Variants in PLA2G15 observed in about 807,000 individuals in gnomAD.
PLA2G15 encodes lysosomal phospholipase A and acyltransferase.
PLA2G15 carries 20 observed loss-of-function variants against 40.9 expected under a neutral mutation model. That is an observed-to-expected ratio of 0.49 (90% CI 0.34 to 0.71). PLA2G15 has a LOEUF of 0.71. PLA2G15 is among the 30% of genes least tolerant of loss of function. PLA2G15 has a pLI of 0.01. For synonymous variants in PLA2G15, 223 were observed against 228.2 expected (o/e 0.98, Z 0.21); for missense variants, 471 against 541.9 (o/e 0.87, Z 1.30).
intron 5 of PLA2G15, 65 bp downstream of exon 5, chr16:68,256,055 TA>T: frequency 9.4e-7 from 1 of 1,066,578 alleles, no homozygotes; most frequent in Non-Finnish European, 1.4e-6. Context: ...CTTCCCTTCC[TA>T]AGTGTCCTCC....
chr16:68,245,679 T>G (rs1270191650), intron 1 of PLA2G15, 126 bp downstream of exon 1: 3 of 1,127,110 alleles, frequency 2.7e-6, no homozygotes, highest in South Asian at 2.9e-5. Context: ...GTCTTGTCAC[T>G]TAGGTGATCT....
chr16:68,256,771 A>G (rs576866698), intron 5 of PLA2G15, among the ~76,000 whole-genome samples: 14 of 152,048 alleles, frequency 9.2e-5, no homozygotes, highest in African/African-American at 3.4e-4. Flanking sequence ...CGGCCTCCCA[A>G]AGTGCTGGGA....
In PLA2G15 at chr16:68,255,060, C is replaced by A; in HGVS notation, c.403+23C>A. On this transcript the variant is annotated intron_variant, in intron 3 of 5. Transcript: ENST00000219345. This position sits in a 1 kb window ranked among gnomAD's most constrained non-coding sequence, Gnocchi z 5.9. ...TGGGTATGTAGCCCTTACTCAAGGC[C>A]TCCGGGAGCTGGGATGGGGTTTCTG... 1 of 1,475,114 alleles carries A rather than the reference C, an allele frequency of 6.8e-7. No homozygotes were observed. The highest frequency in any genetic ancestry group is 9.5e-7 in the Non-Finnish European group (1 of 1,053,798). 91.4% of individuals were successfully genotyped at this position (1,475,114 alleles called of 1,614,324 possible). A position where few individuals can be genotyped will look rare whatever the true frequency, so the allele number is the denominator to read the frequency against.
chr16:68,253,400 G>C (rs947835930), intron 2 of PLA2G15: 2 of 436,250 alleles, frequency 4.6e-6, no homozygotes, highest in Non-Finnish European at 9.1e-6. Context: ...TTTTGAGACA[G>C]AGTTTCGCTC....
In PLA2G15 at chr16:68,254,938, TC is replaced by T; in HGVS notation, c.306del (p.Arg103GlyfsTer78). 6.2e-7 allele frequency: 1 copy of T among 1,613,466 alleles called. No individual in the cohort carries two copies. Among genetic ancestry groups the T allele is most frequent in the Non-Finnish European group, 8.5e-7 (1 of 1,179,480 alleles). ...DNIRLVYNKT[S>X]RATQFPDGVD... is the part of the protein sequence containing the mutation. Reference sequence around the variant, plus strand: ...CAACAGGCTGGTTTACAACAAAACATCCAGGGCCACCCAGTTTCCTGATGGT... The same window carrying T: ...CAACAGGCTGGTTTACAACAAAACATCAGGGCCACCCAGTTTCCTGATGGT... On this transcript the variant is annotated frameshift_variant, in exon 3 of 6. Transcript: ENST00000219345. LOFTEE classifies it high-confidence loss of function.
In PLA2G15 at chr16:68,255,695, C is replaced by A. The variant is rs774909524; in HGVS notation, c.503-71C>A. On this transcript the variant is annotated intron_variant, in intron 4 of 5. Coordinates refer to ENST00000219345, the MANE Select transcript of PLA2G15 (RefSeq NM_012320.4). This position sits in a 1 kb window ranked among gnomAD's most constrained non-coding sequence, Gnocchi z 5.9. ...CCTCCCCCTCTCGTCTTGTGTCTGGCCTGAGAAAAGCTCAGTGGTTCCGGC... is the reference window on the plus strand; with the variant it reads ...CCTCCCCCTCTCGTCTTGTGTCTGGACTGAGAAAAGCTCAGTGGTTCCGGC... 9 of 1,310,180 alleles carry A rather than the reference C, an allele frequency of 6.9e-6. No homozygotes were observed. The highest frequency in any genetic ancestry group is 1.7e-5 in the Admixed American group (1 of 58,844). The allele number at this position is 1,310,180 out of a possible 1,614,324, so 81.2% of individuals were successfully genotyped here.
intron 1 of PLA2G15, chr16:68,248,577 G>A: frequency 4.5e-6 from 1 of 220,834 alleles, no homozygotes; most frequent in Non-Finnish European, 9.4e-6. Flanking sequence ...AGTAGAGATG[G>A]GCTTTCACCA....
In PLA2G15 at chr16:68,259,988, C is replaced by T; in HGVS notation, c.*331C>T. On this transcript the variant is annotated 3_prime_UTR_variant, in exon 6 of 6. Coordinates refer to ENST00000219345, the MANE Select transcript of PLA2G15 (RefSeq NM_012320.4). This position sits in a 1 kb window ranked among gnomAD's most constrained non-coding sequence, Gnocchi z 6.5. ...CTGGGGCCATGTGTCCCCCCTATTC[C>T]TGTGGGCTTTTCATACTTGCCTACT... 2.8e-6 allele frequency: 1 copy of T among 358,132 alleles called. No homozygotes were observed. The highest frequency in any genetic ancestry group is 5.2e-6 in the Non-Finnish European group (1 of 193,160). 22.2% of individuals were successfully genotyped at this position (358,132 alleles called of 1,614,324 possible).
chr16:68,253,218 C>T (rs1488880995), intron 2 of PLA2G15, among the ~76,000 whole-genome samples: 2 of 152,084 alleles, frequency 1.3e-5, no homozygotes, highest in African/African-American at 4.8e-5. Flanking sequence ...GCAGAGGAAG[C>T]GGGACCCAAT....
intron 1 of PLA2G15, among the ~76,000 whole-genome samples, chr16:68,247,548 T>G (rs2042319310): frequency 6.6e-6 from 1 of 152,184 alleles, no homozygotes; most frequent in Admixed American, 6.5e-5. Flanking sequence ...GGTGACTTCC[T>G]CTTTTACCAT....
At chr16:68,248,677 G>T in intron 1 of PLA2G15, 1 of 993,854 alleles carries the variant, frequency 1.0e-6, no homozygotes. Context: ...ATGAGCCCCT[G>T]CGCCCTGCCT....
chr16:68,259,891 A>G lies in PLA2G15; in HGVS notation c.*234A>G. The G allele has an allele frequency of 1.7e-6, 1 of 577,232 alleles. No homozygotes were observed. The highest frequency in any genetic ancestry group is 2.1e-5 in the South Asian group (1 of 48,464). The allele number at this position is 577,232 out of a possible 1,614,324, so 35.8% of individuals were successfully genotyped here. A position where few individuals can be genotyped will look rare whatever the true frequency, so the allele number is the denominator to read the frequency against. The stretch of plus-strand genomic sequence containing the variant: ...ACACTGGATGGCAAGAATGCTGCTG[A>G]TGGTGGAACTGCTGTGACCTTAGGA... On this transcript the variant is annotated 3_prime_UTR_variant, in exon 6 of 6. Transcript: ENST00000219345. The surrounding 1 kb of genome is among the most constrained non-coding windows in gnomAD (Gnocchi z 6.5).
At chr16:68,253,161 TC>T (rs1286394437) in intron 2 of PLA2G15, among the ~76,000 whole-genome samples, 3 of 152,062 alleles carry the variant, frequency 2.0e-5, no homozygotes, top group South Asian at 2.1e-4. Flanking sequence ...ATTCCCTTCC[TC>T]CATGGAGGAT....
chr16:68,248,961 T>C (rs1467180861), intron 1 of PLA2G15, among the ~76,000 whole-genome samples: 1 of 152,106 alleles, frequency 6.6e-6, no homozygotes, highest in Non-Finnish European at 1.5e-5. Flanking sequence ...CCAGTGAAAA[T>C]CCAGGAGACT....
chr16:68,245,939 C>T (rs1295153240), intron 1 of PLA2G15, among the ~76,000 whole-genome samples: 1 of 152,124 alleles, frequency 6.6e-6, no homozygotes, highest in East Asian at 1.9e-4. Flanking sequence ...TCTGCATCGA[C>T]CTGGGCCTGG....
rs1324345246 is a variant in PLA2G15, at chr16:68,255,822, C to CT, written c.560dup (p.Tyr188ValfsTer92). On this transcript the variant is annotated frameshift_variant, in exon 5 of 6. Coordinates refer to ENST00000219345, the MANE Select transcript of PLA2G15 (RefSeq NM_012320.4). LOFTEE classifies it high-confidence loss of function. The surrounding 1 kb of genome is among the most constrained non-coding windows in gnomAD (Gnocchi z 5.9). ...CGAGATGATCGAGGAGATGTACCAG[C>CT]TGTATGGGGGCCCCGTGGTGCTGGT... 6.2e-7 allele frequency: 1 copy of CT among 1,614,102 alleles called. No individual in the cohort carries two copies. Among genetic ancestry groups the CT allele is most frequent in the African/African-American group, 1.3e-5 (1 of 74,944 alleles).
At chr16:68,252,859 G>C (rs1366081945) in intron 2 of PLA2G15, among the ~76,000 whole-genome samples, 3 of 152,184 alleles carry the variant, frequency 2.0e-5, no homozygotes, top group South Asian at 2.1e-4. Context: ...TGCCTGCCTA[G>C]CTGTTCAGGA....
At chr16:68,249,235 G>T in intron 1 of PLA2G15, 55 bp from the exon 2 acceptor site, 2 of 1,526,162 alleles carry the variant, frequency 1.3e-6, no homozygotes, top group Non-Finnish European at 1.8e-6. Flanking sequence ...CAAAGTTCTT[G>T]GGAGTCTTGA....
rs1311695425 is a variant in PLA2G15 at position 68,255,282 on chromosome 16, G to A, written c.404G>A (p.Gly135Asp). The A allele has an allele frequency of 6.2e-7, 1 of 1,609,524 alleles. No individual in the cohort carries two copies. The highest frequency in any genetic ancestry group is 8.5e-7 in the Non-Finnish European group (1 of 1,175,970). ...TTATCCTCTGTATTTCTGTCTACAG[G>A]TTCCTATTTCCACACCATGGTGGAG... ...EFLDPSKSSV[G>D]SYFHTMVESL... The change falls in exon 4 of 6, where the codon GGT becomes GAT. Residue 135 changes from glycine to aspartate, a missense_variant and splice_region_variant. Gly to Asp is a moderately conservative substitution (Grantham distance 94). Coordinates refer to ENST00000219345, the MANE Select transcript of PLA2G15 (RefSeq NM_012320.4). The surrounding 1 kb of genome is among the most constrained non-coding windows in gnomAD (Gnocchi z 5.9).
Sources: gnomAD v4.1 joint callset for allele counts (sites outside exome capture counted in the v4.1 genomes callset) on GRCh38, gnomAD v4.1.1 for gene constraint, Gnocchi (gnomAD v3.1) non-coding constraint, MANE v1.5 for transcripts, NCBI Gene and HGNC (gene_info 2026-07-23, HGNC 2026-07-21) for gene names.